TMTC1: variants seen among roughly 807,000 people sequenced by gnomAD.
TMTC1 encodes the protein transmembrane O-mannosyltransferase targeting cadherins 1, also known as protein O-mannosyl-transferase TMTC1.
In TMTC1, 73 loss-of-function variants were observed where a neutral mutation model predicts 104.8. The observed-to-expected ratio is 0.70, with a 90% CI of 0.58 to 0.85. The LOEUF (loss-of-function observed/expected upper bound fraction) is 0.85, where lower values mean the gene tolerates loss of function less well. Ranked by LOEUF, TMTC1 falls within the 40% of genes least tolerant of loss-of-function variation. TMTC1 has a pLI of 0.00. For synonymous variants in TMTC1, 434 were observed against 428.7 expected (o/e 1.01, Z -0.15); for missense variants, 1,035 against 1,096.1 (o/e 0.94, Z 0.79).
intron 5 of TMTC1, among the ~76,000 whole-genome samples, chr12:29,714,427 C>G (rs1308397277): frequency 2.0e-5 from 3 of 152,070 alleles, no homozygotes; most frequent in African/African-American, 7.2e-5. Flanking sequence ...TGAGGATATT[C>G]TTAAGTGAAA....
At chr12:29,628,661 T>C (rs1038880840) in intron 6 of TMTC1, among the ~76,000 whole-genome samples, 2 of 152,132 alleles carry the variant, frequency 1.3e-5, no homozygotes, top group Non-Finnish European at 2.9e-5. Context: ...AGCATTCCTT[T>C]ATTTTTTATT....
intron 6 of TMTC1, among the ~76,000 whole-genome samples, chr12:29,625,036 T>G (rs985454792): frequency 6.6e-6 from 1 of 152,180 alleles, no homozygotes; most frequent in Admixed American, 6.5e-5. Flanking sequence ...ATCTCAAAAT[T>G]TATGGATATA....
chr12:29,543,746 T>A (rs933749417), intron 10 of TMTC1, among the ~76,000 whole-genome samples: 2 of 152,218 alleles, frequency 1.3e-5, no homozygotes, highest in South Asian at 4.1e-4. Flanking sequence ...CTATCTTTCC[T>A]GTACAGAAAG....
At chr12:29,508,432 T>C (rs144536814) in intron 17 of TMTC1, among the ~76,000 whole-genome samples, 1 of 152,350 alleles carries the variant, frequency 6.6e-6, no homozygotes, top group Non-Finnish European at 1.5e-5. Flanking sequence ...TGACTGCAAT[T>C]GCTTTTGAAA....
intron 11 of TMTC1, 27 bp downstream of exon 11, chr12:29,536,181 GA>G (rs376468800): frequency 1.4e-6 from 2 of 1,413,608 alleles, no homozygotes; most frequent in Admixed American, 1.7e-5. Context: ...CAATAACATT[GA>G]AAAAAACTAC....
At chr12:29,736,763 C>CT (rs1942687173) in intron 5 of TMTC1, among the ~76,000 whole-genome samples, 1 of 152,230 alleles carries the variant, frequency 6.6e-6, no homozygotes, top group South Asian at 2.1e-4. Flanking sequence ...TAGTGACTCA[C>CT]TAGTGCGCCA....
intron 2 of TMTC1, among the ~76,000 whole-genome samples, chr12:29,765,021 T>G (rs1031086942): frequency 2.6e-5 from 4 of 152,192 alleles, no homozygotes; most frequent in African/African-American, 4.8e-5. Flanking sequence ...TAAGCACAGA[T>G]TTCCAATTGT....
At chr12:29,666,197 C>G (rs1295549521) in intron 5 of TMTC1, 2 of 430,732 alleles carry the variant, frequency 4.6e-6, no homozygotes, top group Non-Finnish European at 9.1e-6. Flanking sequence ...AAACATCTAC[C>G]CCTTTTCTTT....
intron 10 of TMTC1, among the ~76,000 whole-genome samples, chr12:29,539,998 A>C (rs375109): frequency 0.8 from 121,159 of 152,096 alleles, 48,506 homozygotes; most frequent in Middle Eastern, 0.88. Context: ...GCTCCTAAAA[A>C]CACTTAAGAA....
At chr12:29,756,889 G>C (rs558222387) in intron 3 of TMTC1, among the ~76,000 whole-genome samples, 5 of 152,098 alleles carry the variant, frequency 3.3e-5, no homozygotes, top group Non-Finnish European at 5.9e-5. Flanking sequence ...AGTGAGAATG[G>C]CATGCAAAAC....
At chr12:29,609,126 T>C (rs563761848) in intron 6 of TMTC1, among the ~76,000 whole-genome samples, 143 of 152,338 alleles carry the variant, frequency 9.4e-4, no homozygotes, top group African/African-American at 3.3e-3. Flanking sequence ...CTATTTTTTT[T>C]CTCACCTCTA....
At chr12:29,741,525 G>A (rs1942825689) in intron 5 of TMTC1, among the ~76,000 whole-genome samples, 1 of 152,184 alleles carries the variant, frequency 6.6e-6, no homozygotes, top group African/African-American at 2.4e-5. Context: ...GGGAACTAAA[G>A]TAATTGGCCC....
At chr12:29,729,069 C>T (rs1239158323) in intron 5 of TMTC1, among the ~76,000 whole-genome samples, 4 of 151,382 alleles carry the variant, frequency 2.6e-5, no homozygotes, top group Non-Finnish European at 4.4e-5. Context: ...AGCACAGACT[C>T]TGGAGACAAA....
intron 15 of TMTC1, among the ~76,000 whole-genome samples, chr12:29,515,008 T>C (rs948081445): frequency 4.6e-5 from 7 of 152,056 alleles, no homozygotes; most frequent in Admixed American, 2.0e-4. Flanking sequence ...GAGGAAGACC[T>C]TGTCTCAAAT....
chr12:29,779,717 G>A (rs1248108244), intron 1 of TMTC1, among the ~76,000 whole-genome samples: 3 of 152,136 alleles, frequency 2.0e-5, no homozygotes, highest in Admixed American at 6.5e-5. Context: ...ACTGAGAAAG[G>A]TCCTGTGAGG....
At chr12:29,752,712 C>T (rs1489782187) in intron 4 of TMTC1, among the ~76,000 whole-genome samples, 5 of 151,386 alleles carry the variant, frequency 3.3e-5, no homozygotes, top group Non-Finnish European at 7.4e-5. Context: ...TCTCAAAAGC[C>T]CAATGGTAAA....
intron 5 of TMTC1, among the ~76,000 whole-genome samples, chr12:29,698,471 C>T (rs1019056783): frequency 1.3e-5 from 2 of 152,204 alleles, no homozygotes; most frequent in African/African-American, 4.8e-5. Flanking sequence ...GCTCCTACAA[C>T]ACAAGAGTTC....
intron 7 of TMTC1, among the ~76,000 whole-genome samples, chr12:29,599,578 C>A (rs1188355501): frequency 6.6e-6 from 1 of 152,196 alleles, no homozygotes. Flanking sequence ...GTTGGTCTGA[C>A]TCATTCTGCA....
chr12:29,676,530 A>C (rs1286865889), intron 5 of TMTC1, among the ~76,000 whole-genome samples: 1 of 152,198 alleles, frequency 6.6e-6, no homozygotes, highest in Non-Finnish European at 1.5e-5. Flanking sequence ...ATTTTGATAC[A>C]TCCTTTGCTC....
Sources: allele counts gnomAD v4.1 joint callset (sites outside exome capture counted in the v4.1 genomes callset), GRCh38; gene constraint gnomAD v4.1.1; transcripts MANE v1.5; gene names NCBI Gene and HGNC (gene_info 2026-07-23, HGNC 2026-07-21).